Variants in MRPL45 observed in about 807,000 individuals in gnomAD.
The protein encoded by MRPL45 is mitochondrial ribosomal protein L45.
Under a neutral mutation model 38.1 loss-of-function variants are expected in MRPL45, and 20 were observed. That is an observed-to-expected ratio of 0.53 (90% CI 0.37 to 0.76). The LOEUF (loss-of-function observed/expected upper bound fraction) is 0.76, where lower values mean the gene tolerates loss of function less well. Ranked by LOEUF, MRPL45 falls within the 30% of genes least tolerant of loss-of-function variation. MRPL45 has a pLI of 0.00. For synonymous variants in MRPL45, 105 were observed against 128.8 expected, an observed-to-expected ratio of 0.82 and a Z score of 1.25; for missense variants, 337 against 395.6, an observed-to-expected ratio of 0.85 and a Z score of 1.26.
At chr17:38,320,564 G>C in intron 5 of MRPL45, 54 bp from the exon 6 acceptor site, 1 of 1,588,982 alleles carries the variant, frequency 6.3e-7, no homozygotes, top group Non-Finnish European at 8.6e-7. Flanking sequence ...GGCAGCACCA[G>C]CTTCCTTAAA....
chr17:38,320,111 A>G (rs1159930070), intron 5 of MRPL45, among the ~76,000 whole-genome samples: 1 of 152,176 alleles, frequency 6.6e-6, no homozygotes, highest in African/African-American at 2.4e-5. Flanking sequence ...CTCAAAAATA[A>G]AAATAAATAA....
intron 7 of MRPL45, 39 bp from the exon 8 acceptor site, chr17:38,322,470 G>C: frequency 3.2e-6 from 5 of 1,575,862 alleles, no homozygotes; most frequent in Non-Finnish European, 4.4e-6. Context: ...GTCAGCCATG[G>C]GCTTGGTTGG....
At chr17:38,312,212 A>G (rs1329140604) in intron 4 of MRPL45, among the ~76,000 whole-genome samples, 1 of 151,718 alleles carries the variant, frequency 6.6e-6, no homozygotes, top group Non-Finnish European at 1.5e-5. Context: ...ACACCTGGCT[A>G]ATTTTTGTAT....
chr17:38,307,523 T>A (rs1246598633), intron 4 of MRPL45, among the ~76,000 whole-genome samples: 1 of 151,926 alleles, frequency 6.6e-6, no homozygotes, highest in African/African-American at 2.4e-5. Flanking sequence ...TAAACTTTTT[T>A]TTGTAGAGAC....
chr17:38,315,409 A>G (rs2037163577), intron 4 of MRPL45, among the ~76,000 whole-genome samples: 2 of 151,424 alleles, frequency 1.3e-5, no homozygotes, highest in South Asian at 4.2e-4. Context: ...TGTGTGCCAC[A>G]GCACCTGGCT....
intron 4 of MRPL45, among the ~76,000 whole-genome samples, chr17:38,318,077 G>A (rs1250056663): frequency 1.3e-5 from 2 of 151,672 alleles, no homozygotes; most frequent in Non-Finnish European, 2.9e-5. Flanking sequence ...GCGTCATGAC[G>A]TGCACTTGTA....
chr17:38,298,522 A>C lies in MRPL45; in HGVS notation c.140A>C (p.Gln47Pro). 6.2e-7 allele frequency: 1 copy of C among 1,613,936 alleles called. No individual in the cohort carries two copies. The highest frequency in any genetic ancestry group is 1.1e-5 in the South Asian group (1 of 91,074). The change falls in exon 2 of 8, where the codon CAA (glutamine) becomes CCA (proline). Residue 47 changes from glutamine (Q) to proline (P), a missense_variant. Transcript: ENST00000613675. ...TKKRFTPPIY[Q>P]PKFKTEKEFM... ...AAACGTTTCACACCTCCTATTTATC[A>C]ACCTAAATTTAAAACAGAAAAGGAG...
At chr17:38,304,850 C>CT (rs113236896) in intron 3 of MRPL45, among the ~76,000 whole-genome samples, 4,133 of 137,126 alleles carry the variant, frequency 0.03, 190 homozygotes, top group African/African-American at 0.1. Context: ...CCGTAACTTC[C>CT]TTTTTTTTTT....
Position 38,307,152 on chromosome 17 carries a change from G to A in MRPL45, c.461+521G>A, listed in dbSNP as rs148016657. 8.3e-3 allele frequency among the ~76,000 whole-genome samples: 1,268 copies of A among 152,044 alleles called. 18 individuals carry two copies. The highest frequency in any genetic ancestry group is 0.028 in the African/African-American group (1,176 of 41,458). ...TGGTTCAAGCAACTCCCCTGCCTCAGCCTCCCAAGTAGCTGGGATTACAGG... is the reference window on the plus strand; with the variant it reads ...TGGTTCAAGCAACTCCCCTGCCTCAACCTCCCAAGTAGCTGGGATTACAGG... On this transcript the variant is annotated intron_variant, in intron 4 of 7. Coordinates refer to ENST00000613675, the MANE Select transcript of MRPL45 (RefSeq NM_032351.6).
At chr17:38,321,908 T>C (rs1265538074) in intron 6 of MRPL45, among the ~76,000 whole-genome samples, 1 of 150,520 alleles carries the variant, frequency 6.6e-6, no homozygotes, top group East Asian at 2.0e-4. Context: ...GGCACGTGCC[T>C]GTAATCCCAG....
chr17:38,305,159 C>T (rs1430727702), intron 3 of MRPL45, among the ~76,000 whole-genome samples: 2 of 143,314 alleles, frequency 1.4e-5, no homozygotes, highest in Non-Finnish European at 1.5e-5. Context: ...TTTGTAACTT[C>T]TAATGTTGCT....
chr17:38,322,777 A>G lies in MRPL45; in HGVS notation c.*182A>G. On this transcript the variant is annotated 3_prime_UTR_variant, in exon 8 of 8. Transcript: ENST00000613675. ...GACTGGGCCCTAGCAGGTGGCAGGT[A>G]TAACATGGCCATGGACACTCTTCTT... 1.7e-6 allele frequency: 1 copy of G among 584,028 alleles called. No homozygotes were observed. The highest frequency in any genetic ancestry group is 3.0e-6 in the Non-Finnish European group (1 of 330,504). The allele number at this position is 584,028 out of a possible 1,614,324, so 36.2% of individuals were successfully genotyped here. A position where few individuals can be genotyped will look rare whatever the true frequency, so the allele number is the denominator to read the frequency against.
At chr17:38,312,911 T>C (rs1463302172) in intron 4 of MRPL45, among the ~76,000 whole-genome samples, 2 of 151,674 alleles carry the variant, frequency 1.3e-5, no homozygotes, top group African/African-American at 4.8e-5. Flanking sequence ...CTGTTTTACA[T>C]TCCTATGACC....
chr17:38,303,290 A>ATTTTTT (rs776250748), intron 3 of MRPL45, among the ~76,000 whole-genome samples: 11 of 103,420 alleles, frequency 1.1e-4, no homozygotes, highest in African/African-American at 1.7e-4. Context: ...AAAACATTAA[A>ATTTTTT]TTTTTTTTTT....
At chr17:38,316,390 G>A (rs887734570) in intron 4 of MRPL45, among the ~76,000 whole-genome samples, 1 of 152,022 alleles carries the variant, frequency 6.6e-6, no homozygotes, top group Admixed American at 6.6e-5. Flanking sequence ...TTCACACATT[G>A]TTTTTCTGAT....
At position 38,315,283 on chromosome 17, in the gene MRPL45, C is replaced by G. The variant is rs982775437; in HGVS notation, c.462-3404C>G. ...TTTTTATTTTAAAGTCAGGGTCTCACTTTTTCAGCCAGGCTGGAGTGAGCA... is the reference window on the plus strand; with the variant it reads ...TTTTTATTTTAAAGTCAGGGTCTCAGTTTTTCAGCCAGGCTGGAGTGAGCA... On this transcript the variant is annotated intron_variant, in intron 4 of 7. Transcript: ENST00000613675. Among the ~76,000 whole-genome samples, 8 of 152,208 alleles carry G rather than the reference C, an allele frequency of 5.3e-5. No homozygotes were observed. In the East Asian group the frequency reaches 9.6e-4, roughly 18 times the overall value.
intron 4 of MRPL45, 68 bp from the exon 5 acceptor site, chr17:38,318,619 C>A: frequency 8.7e-7 from 1 of 1,151,484 alleles, no homozygotes; most frequent in Non-Finnish European, 1.3e-6. Context: ...TTTTCAGGAC[C>A]ATTTTCAGTC....
chr17:38,321,389 T>C (rs1481472350), intron 6 of MRPL45, among the ~76,000 whole-genome samples: 2 of 152,212 alleles, frequency 1.3e-5, no homozygotes, highest in East Asian at 1.9e-4. Context: ...TAACTTTTTT[T>C]CTACCCATTA....
rs148113018 is a variant in MRPL45, at chr17:38,314,138, C to G, written c.462-4549C>G. Among the ~76,000 whole-genome samples the G allele has an allele frequency of 1.5e-3, 229 of 151,972 alleles. 3 individuals are homozygous for G. The East Asian group carries it at 0.027, about 18-fold the overall frequency. On this transcript the variant is annotated intron_variant, in intron 4 of 7. Coordinates refer to ENST00000613675, the MANE Select transcript of MRPL45 (RefSeq NM_032351.6). ...TTAGTTTTTGAGATGGAGTTTTGCT[C>G]TTGAAGCCCAGGCTGGAGTGCAATG...
Sources: allele counts gnomAD v4.1 joint callset (sites outside exome capture counted in the v4.1 genomes callset), GRCh38; gene constraint gnomAD v4.1.1; transcripts MANE v1.5; gene names NCBI Gene and HGNC (gene_info 2026-07-23, HGNC 2026-07-21).